SYT9: variants seen among roughly 807,000 people sequenced by gnomAD.
SYT9 encodes synaptotagmin-9.
A neutral mutation model predicts 48.4 loss-of-function variants in SYT9; 22 were observed. That is an observed-to-expected ratio of 0.45 (90% confidence interval 0.32 to 0.65). The LOEUF (loss-of-function observed/expected upper bound fraction) is 0.65. SYT9 is among the 30% of genes least tolerant of loss of function. The pLI, the probability that SYT9 is intolerant of heterozygous loss-of-function variation, is 0.03. For missense variants in SYT9, 577 were observed against 622.0 expected, an observed-to-expected ratio of 0.93 and a Z score of 0.77; for synonymous variants, 265 against 245.0, an observed-to-expected ratio of 1.08 and a Z score of -0.76.
chr11:7,315,892 A>G (rs1443161954), intron 3 of SYT9, among the ~76,000 whole-genome samples: 1 of 152,226 alleles, frequency 6.6e-6, no homozygotes, highest in African/African-American at 2.4e-5. Flanking sequence ...CAATAAAGCT[A>G]CAGGCTTCAG....
intron 1 of SYT9, among the ~76,000 whole-genome samples, chr11:7,301,707 G>A (rs149142263): frequency 3.2e-4 from 48 of 152,322 alleles, no homozygotes; most frequent in African/African-American, 1.1e-3. Context: ...TTTGGTTGAA[G>A]CAATGCAAAT....
chr11:7,366,964 T>C (rs1030714642), intron 3 of SYT9, among the ~76,000 whole-genome samples: 40 of 151,718 alleles, frequency 2.6e-4, no homozygotes, highest in African/African-American at 8.5e-4. Flanking sequence ...TTATGACTTA[T>C]AGATATTATA....
chr11:7,251,061 T>C (rs140688261), upstream of SYT9, among the ~76,000 whole-genome samples: 541 of 151,292 alleles, frequency 3.6e-3, 6 homozygotes, highest in Middle Eastern at 0.014. Flanking sequence ...TGTACAGAAT[T>C]AAATGAGATT....
Position 7,467,170 on chromosome 11 carries a change from C to A in SYT9, c.*370C>A. On this transcript the variant is annotated 3_prime_UTR_variant, in exon 7 of 7. Transcript: ENST00000318881. ...GCATCTGCCCTGGAAATCGTTATTC[C>A]AACATAATATTATTTTCTAGAATGC... 4.6e-6 allele frequency: 1 copy of A among 219,416 alleles called. No homozygotes were observed. The highest frequency in any genetic ancestry group is 8.9e-6 in the Non-Finnish European group (1 of 111,972). 13.6% of individuals were successfully genotyped at this position (219,416 alleles called of 1,614,324 possible).
chr11:7,458,002 C>T (rs1848176791), intron 6 of SYT9: 1 of 152,190 alleles, frequency 6.6e-6, no homozygotes, highest in African/African-American at 2.4e-5. Context: ...GAAACAATCA[C>T]TTTGCATAAG....
At chr11:7,404,002 C>A (rs4391794) in intron 3 of SYT9, among the ~76,000 whole-genome samples, 27,308 of 151,950 alleles carry the variant, frequency 0.18, 3,264 homozygotes, top group Non-Finnish European at 0.27. Context: ...TGAGTTGAGG[C>A]CTTTATCATA....
chr11:7,271,736 C>T (rs1050449538), intron 1 of SYT9, among the ~76,000 whole-genome samples: 1 of 152,078 alleles, frequency 6.6e-6, no homozygotes, highest in Non-Finnish European at 1.5e-5. Flanking sequence ...GCCACCATAC[C>T]TGACTAATTT....
At chr11:7,332,209 G>C (rs555301329) in intron 3 of SYT9, among the ~76,000 whole-genome samples, 2 of 152,216 alleles carry the variant, frequency 1.3e-5, no homozygotes, top group Non-Finnish European at 1.5e-5. Flanking sequence ...GAGCTCTGGA[G>C]CGTGAAGAGC....
rs898008627 is a variant in SYT9, at chr11:7,321,300, T to G, written c.1044+7359T>G. ...TTTGTAGTGACTGATTTGGAGACTT[T>G]CCTGTTCTGTCTCCCAAAGGCCTGA... On this transcript the variant is annotated intron_variant, in intron 3 of 6. Coordinates refer to ENST00000318881, the MANE Select transcript of SYT9 (RefSeq NM_175733.4). Among the ~76,000 whole-genome samples, 11 of 114,502 alleles carry G rather than the reference T, an allele frequency of 9.6e-5. No individual in the cohort carries two copies. The Admixed American group carries it at 1.1e-3, about 11-fold the overall frequency. 75.1% of individuals were successfully genotyped at this position (114,502 alleles called of 152,430 possible).
At chr11:7,432,790 G>T (rs868651389) in intron 6 of SYT9, among the ~76,000 whole-genome samples, 2 of 151,136 alleles carry the variant, frequency 1.3e-5, no homozygotes, top group African/African-American at 2.4e-5. Flanking sequence ...TATATTACAG[G>T]CTCATGGGTA....
intron 1 of SYT9, among the ~76,000 whole-genome samples, chr11:7,282,336 C>T (rs1848509575): frequency 6.6e-6 from 1 of 152,076 alleles, no homozygotes; most frequent in African/African-American, 2.4e-5. Context: ...GTTATTTTTC[C>T]ATGCTCTCTT....
Position 7,240,837 on chromosome 11 carries a change from C to T in SYT9, c.49+1921C>T, listed in dbSNP as rs564937242. Among the ~76,000 whole-genome samples, 15 of 152,236 alleles carry T rather than the reference C, an allele frequency of 9.9e-5. No homozygotes were observed. In the East Asian group the frequency reaches 2.9e-3, roughly 29 times the overall value. On this transcript the variant is annotated intron_variant and NMD_transcript_variant, in intron 1 of 8. Coordinates refer to the SYT9 transcript ENST00000524820. ...CCAAGTCAGGCAGCCATCTACAGTGCATTAAAGTTCAGATTTTGCATAAAA... is the reference window on the plus strand; with the variant it reads ...CCAAGTCAGGCAGCCATCTACAGTGTATTAAAGTTCAGATTTTGCATAAAA...
At chr11:7,271,249 T>G (rs1229555521) in intron 1 of SYT9, among the ~76,000 whole-genome samples, 1 of 152,186 alleles carries the variant, frequency 6.6e-6, no homozygotes, top group Non-Finnish European at 1.5e-5. Flanking sequence ...TTCATCCTGA[T>G]AGGTGCCTAA....
chr11:7,291,075 G>A (rs556153793), intron 1 of SYT9, among the ~76,000 whole-genome samples: 7 of 152,290 alleles, frequency 4.6e-5, no homozygotes, highest in South Asian at 2.1e-4. Flanking sequence ...GTGACTTAGC[G>A]GGAAGAAAGT....
At chr11:7,339,249 C>T (rs767890196) in intron 3 of SYT9, among the ~76,000 whole-genome samples, 6 of 152,092 alleles carry the variant, frequency 3.9e-5, no homozygotes, top group Admixed American at 6.6e-5. Flanking sequence ...GGTCTCATTG[C>T]ATGTGGAATG....
chr11:7,380,482 G>T (rs1280931254), intron 3 of SYT9, among the ~76,000 whole-genome samples: 2 of 152,102 alleles, frequency 1.3e-5, no homozygotes, highest in East Asian at 3.9e-4. Flanking sequence ...TATTTGAGGG[G>T]ATGGATACCT....
At chr11:7,392,339 C>G (rs1336028903) in intron 3 of SYT9, among the ~76,000 whole-genome samples, 1 of 152,050 alleles carries the variant, frequency 6.6e-6, no homozygotes, top group Non-Finnish European at 1.5e-5. Flanking sequence ...TCAAGTTATT[C>G]TGACAGCATT....
chr11:7,436,055 A>G (rs1244613454), intron 6 of SYT9: 1 of 152,156 alleles, frequency 6.6e-6, no homozygotes, highest in Non-Finnish European at 1.5e-5. Flanking sequence ...GTGAGCCAGG[A>G]CTATTATAGG....
Position 7,311,893 on chromosome 11 carries a change from A to G in SYT9, c.498-1502A>G, listed in dbSNP as rs555255008. Reference sequence around the variant, plus strand: ...GAGTGATCTGGCTGCACTAGCTCAGAAAGCCAGTTTTAGATGCTTAACAGC... The same window carrying G: ...GAGTGATCTGGCTGCACTAGCTCAGGAAGCCAGTTTTAGATGCTTAACAGC... On this transcript the variant is annotated intron_variant, in intron 2 of 6. Coordinates refer to ENST00000318881, the MANE Select transcript of SYT9 (RefSeq NM_175733.4). 3.2e-4 allele frequency among the ~76,000 whole-genome samples: 49 copies of G among 152,292 alleles called. No homozygotes were observed. The South Asian group carries it at 7.5e-3, about 23-fold the overall frequency.
Sources: allele counts gnomAD v4.1 joint callset (sites outside exome capture counted in the v4.1 genomes callset), GRCh38; gene constraint gnomAD v4.1.1; transcripts MANE v1.5; gene names NCBI Gene and HGNC (gene_info 2026-07-23, HGNC 2026-07-21).